The following GABRR3 variants were observed in gnomAD, a reference collection of about 807,000 sequenced individuals.
The protein encoded by GABRR3 is gamma-aminobutyric acid type A receptor subunit rho3.
In GABRR3, 29 loss-of-function variants were observed where a neutral mutation model predicts 43.2. The observed-to-expected ratio is 0.67, with a 90% CI of 0.50 to 0.92. GABRR3 has a LOEUF of 0.92. Ranked by LOEUF, GABRR3 falls within the 40% of genes least tolerant of loss-of-function variation. The probability of loss-of-function intolerance (pLI) is 0.00; values close to 1 mark genes in which losing one functional copy is unlikely to be tolerated. For missense variants in GABRR3, 576 were observed against 572.3 expected, an observed-to-expected ratio of 1.01 and a Z score of -0.07; for synonymous variants, 206 against 195.9, an observed-to-expected ratio of 1.05 and a Z score of -0.43.
chr3:98,009,166 A>G (rs1478023609), intron 5 of GABRR3, 128 bp from the exon 6 acceptor site: 1 of 594,376 alleles, frequency 1.7e-6, no homozygotes, highest in Non-Finnish European at 3.0e-6. Flanking sequence ...CAAAACAGGC[A>G]GTATTATCTT....
intron 2 of GABRR3, among the ~76,000 whole-genome samples, chr3:98,029,338 T>C (rs1167988239): frequency 6.6e-6 from 1 of 152,170 alleles, no homozygotes; most frequent in Non-Finnish European, 1.5e-5. Context: ...TCAGAAACTC[T>C]ACTGTAATTG....
intron 9 of GABRR3, among the ~76,000 whole-genome samples, chr3:97,987,681 T>A (rs1378016206): frequency 6.6e-6 from 1 of 152,230 alleles, no homozygotes; most frequent in Non-Finnish European, 1.5e-5. Flanking sequence ...TCAAAAGACA[T>A]GAAGACTATT....
At chr3:98,000,335 G>A (rs941391853) in intron 8 of GABRR3, 6 of 152,012 alleles carry the variant, frequency 3.9e-5, no homozygotes, top group Admixed American at 3.3e-4. Context: ...TCAGAAATAT[G>A]ACTGAAAATC....
At chr3:97,993,404 C>A (rs1279135575) in intron 8 of GABRR3, among the ~76,000 whole-genome samples, 1 of 152,124 alleles carries the variant, frequency 6.6e-6, no homozygotes, top group Non-Finnish European at 1.5e-5. Flanking sequence ...ATTCTAAAAT[C>A]ATTTCCTCTA....
intron 9 of GABRR3, 51 bp downstream of exon 9, chr3:97,992,801 T>A: frequency 1.3e-6 from 2 of 1,491,708 alleles, no homozygotes; most frequent in South Asian, 2.7e-5. Flanking sequence ...TAGATAAGGG[T>A]AGTCTTTTCC....
chr3:98,004,055 G>C (rs1464797213), intron 7 of GABRR3, among the ~76,000 whole-genome samples: 2 of 152,174 alleles, frequency 1.3e-5, no homozygotes, highest in Non-Finnish European at 2.9e-5. Flanking sequence ...AGGCTAGAGA[G>C]TTGGCACCCA....
At chr3:97,997,336 A>C (rs1457008040) in intron 8 of GABRR3, 2 of 152,194 alleles carry the variant, frequency 1.3e-5, no homozygotes, top group Non-Finnish European at 2.9e-5. Context: ...AAATCCCAAA[A>C]GATCAAAATC....
chr3:98,011,353 T>A (rs1049215599), intron 5 of GABRR3, among the ~76,000 whole-genome samples: 2 of 152,222 alleles, frequency 1.3e-5, no homozygotes, highest in East Asian at 1.9e-4. Flanking sequence ...ATCAGTATCA[T>A]GGAGCTGAAA....
At chr3:97,991,602 C>T (rs540948057) in intron 9 of GABRR3, among the ~76,000 whole-genome samples, 2 of 152,334 alleles carry the variant, frequency 1.3e-5, no homozygotes, top group East Asian at 3.9e-4. Flanking sequence ...ATGAAGTGAG[C>T]ATTCCAGATC....
intron 4 of GABRR3, among the ~76,000 whole-genome samples, chr3:98,012,916 G>T (rs1457128792): frequency 6.6e-6 from 1 of 152,122 alleles, no homozygotes; most frequent in African/African-American, 2.4e-5. Context: ...CTATTTTATT[G>T]TCCATTATTT....
intron 8 of GABRR3, chr3:97,998,828 A>T (rs2107230426): frequency 6.6e-6 from 1 of 152,300 alleles, no homozygotes; most frequent in African/African-American, 2.4e-5. Context: ...ATTATGCTTC[A>T]TACAATGTTA....
chr3:98,017,505 G>C (rs1706885908), intron 4 of GABRR3, 150 bp downstream of exon 4: 2 of 647,252 alleles, frequency 3.1e-6, no homozygotes, highest in East Asian at 2.8e-5. Context: ...GGATGGAAGA[G>C]AGCACAGCAA....
intron 4 of GABRR3, among the ~76,000 whole-genome samples, chr3:98,016,844 T>C (rs1214825384): frequency 1.3e-5 from 2 of 152,116 alleles, no homozygotes; most frequent in African/African-American, 4.8e-5. Flanking sequence ...GGTAATTATG[T>C]AAACAAGGAA....
At chr3:98,008,653 G>A (rs1421321456) in intron 6 of GABRR3, among the ~76,000 whole-genome samples, 1 of 152,128 alleles carries the variant, frequency 6.6e-6, no homozygotes, top group African/African-American at 2.4e-5. Flanking sequence ...GTCAGTCTAT[G>A]TAACAACAGT....
chr3:98,001,719 A>G, exon 8 of GABRR3: 1 of 1,613,316 alleles, frequency 6.2e-7, no homozygotes, highest in Non-Finnish European at 8.5e-7. Context: ...CACAAAGAAG[A>G]AAACATGCCT....
chr3:98,007,617 G>A, intron 7 of GABRR3, 147 bp downstream of exon 7: 1 of 787,410 alleles, frequency 1.3e-6, no homozygotes, highest in South Asian at 1.6e-5. Flanking sequence ...TGGAAGGGTG[G>A]AGCTTGCTCC....
chr3:98,004,698 G>T (rs1477065698), intron 7 of GABRR3, among the ~76,000 whole-genome samples: 1 of 151,080 alleles, frequency 6.6e-6, no homozygotes, highest in Non-Finnish European at 1.5e-5. Flanking sequence ...AAAACACCCT[G>T]TTGTTCAGCT....
At chr3:98,023,000 G>T (rs1706969932) in intron 3 of GABRR3, among the ~76,000 whole-genome samples, 1 of 152,146 alleles carries the variant, frequency 6.6e-6, no homozygotes, top group South Asian at 2.1e-4. Flanking sequence ...CATGTTTTAA[G>T]ATAAGAGAGG....
intron 8 of GABRR3, 142 bp downstream of exon 8, chr3:98,001,473 C>T (rs991235625): frequency 1.1e-5 from 9 of 853,434 alleles, no homozygotes; most frequent in Non-Finnish European, 1.4e-5. Context: ...ATGTCAAGAT[C>T]GATACTGCAA....
Sources: allele counts gnomAD v4.1 joint callset (sites outside exome capture counted in the v4.1 genomes callset), GRCh38; gene constraint gnomAD v4.1.1; transcripts MANE v1.5; gene names NCBI Gene and HGNC (gene_info 2026-07-23, HGNC 2026-07-21).